The following TTN variants were observed in gnomAD, a reference collection of about 807,000 sequenced individuals.
TTN encodes the protein connectin.
Under a neutral mutation model 3,223.0 loss-of-function variants are expected in TTN, and 1,525 were observed. The ratio of observed to expected loss-of-function variants is 0.47; its 90% CI spans 0.45 to 0.49. The LOEUF is 0.49. Among genes scored for constraint, TTN ranks in the 20% least tolerant of loss-of-function variants. The pLI is 0.00. For synonymous variants in TTN, 14,094 were observed against 15,161.0 expected, an observed-to-expected ratio of 0.93 and a Z score of 5.17; for missense variants, 40,786 against 43,424.0, an observed-to-expected ratio of 0.94 and a Z score of 5.40.
In TTN at chr2:178,646,532, G is replaced by C. The variant is rs537578226; in HGVS notation, c.40250C>G (p.Pro13417Arg). Residue 13417 changes from proline (P) to arginine (R), a missense_variant, in exon 216 of 363, where the codon CCT becomes CGT. Coordinates refer to ENST00000589042, the MANE Select transcript of TTN (RefSeq NM_001267550.2). ...EEREIEKYIK[P>R]EEPEPEPQPE... ...CTGTGGTTCAGGTTCGGGCTCTTCA[G>C]GTTTAATATACTTTTCAATTTCACG... The C allele has an allele frequency of 6.5e-7, 1 of 1,547,460 alleles. No individual in the cohort carries two copies. Among genetic ancestry groups the C allele is most frequent in the Non-Finnish European group, 8.7e-7 (1 of 1,144,916 alleles).
intron 29 of TTN, 193 bp downstream of exon 29, chr2:178,774,728 C>T (rs772336249): frequency 7.8e-6 from 6 of 773,556 alleles, no homozygotes; most frequent in Admixed American, 6.1e-5. Flanking sequence ...GATAATACTA[C>T]TTTAAAAAAT....
Position 178,607,398 on chromosome 2 carries a change from T to C in TTN, c.53287+3A>G, listed in dbSNP as rs886043039. 20 of 1,613,014 alleles carry C rather than the reference T, an allele frequency of 1.2e-5. No individual in the cohort carries two copies. Among genetic ancestry groups the C allele is most frequent in the Non-Finnish European group, 1.7e-5 (20 of 1,179,342 alleles). On this transcript the variant is annotated splice_donor_region_variant and intron_variant, in intron 277 of 362. Coordinates refer to ENST00000589042, the MANE Select transcript of TTN (RefSeq NM_001267550.2). ...CTGTGAAAATCAGTGCAACATTCCT[T>C]ACCAAAAACTTCTACCCTGGCTGCT... is the stretch of plus-strand genomic sequence containing the variant.
Position 178,609,973 on chromosome 2 carries a change from T to C in TTN, c.51450A>G (p.Pro17150=). 2 of 1,611,722 alleles carry C rather than the reference T, an allele frequency of 1.2e-6. No individual in the cohort carries two copies. Among genetic ancestry groups the C allele is most frequent in the South Asian group, 2.2e-5 (2 of 90,856 alleles). Residue 17150 remains proline (P), a synonymous_variant, in exon 272 of 363, where the codon CCA becomes CCG. Coordinates refer to ENST00000589042, the MANE Select transcript of TTN (RefSeq NM_001267550.2). The part of the protein sequence containing the change: ...IAQDPKQPPD[P]PVDVEVHNPT... ...GATTATGAACCTCTACATCTACAGGTGGATCAGGGGGTTCTGAAGAACAAG... is the reference window on the plus strand; with the variant it reads ...GATTATGAACCTCTACATCTACAGGCGGATCAGGGGGTTCTGAAGAACAAG...
At chr2:178,697,317 C>G in intron 112 of TTN, 149 bp from the exon 113 acceptor site, 1 of 629,066 alleles carries the variant, frequency 1.6e-6, no homozygotes, top group South Asian at 3.5e-5. Context: ...AATAATGCTT[C>G]TATAATTTCC....
Position 178,567,070 on chromosome 2 carries a change from A to T in TTN, c.79062T>A (p.Gly26354=), listed in dbSNP as rs3731744. Residue 26354 remains glycine, a synonymous_variant, in exon 326 of 363, where the codon GGT becomes GGA. Transcript: ENST00000589042. The part of the protein sequence containing the change: ...NSLKVTKLLE[G]NEYVFRIMAV... ...CCATTATACGGAAAACATATTCATTACCTTCTAAGAGTTTGGTAACTTTCA... is the reference window on the plus strand; with the variant it reads ...CCATTATACGGAAAACATATTCATTTCCTTCTAAGAGTTTGGTAACTTTCA... 53,843 of 1,613,528 alleles carry T rather than the reference A, an allele frequency of 0.033. 1,989 individuals are homozygous for T. Among genetic ancestry groups the T allele is most frequent in the East Asian group, 0.18 (8,102 of 44,828 alleles).
In TTN at chr2:178,710,779, C is replaced by G. The variant is rs940069606; in HGVS notation, c.28318G>C (p.Gly9440Arg). ...AGATAACTAATCTGGTACTTTCCGC[C>G]ACTTCGTATTTCTCTGCTGTCTTTG... ...WAKDSREIRS[G>R]GKYQISYLEN... The change falls in exon 98 of 363, where the codon GGC becomes CGC. Residue 9440 changes from glycine to arginine, a missense_variant. Physicochemically the swap from Gly to Arg is moderately radical, Grantham distance 125. Coordinates refer to ENST00000589042, the MANE Select transcript of TTN (RefSeq NM_001267550.2). 6.2e-7 allele frequency: 1 copy of G among 1,613,916 alleles called. No homozygotes were observed. The highest frequency in any genetic ancestry group is 1.3e-5 in the African/African-American group (1 of 75,044).
At chr2:178,757,231 T>TGTACTTGCTTTACGTA (rs1252574568) in intron 45 of TTN, among the ~76,000 whole-genome samples, 1 of 148,874 alleles carries the variant, frequency 6.7e-6, no homozygotes, top group Non-Finnish European at 1.5e-5. Flanking sequence ...TAAGTAATAA[T>TGTACTTGCTTTACGTA]CAGCAAATAG....
chr2:178,728,841 T>G (rs529668474), intron 65 of TTN, 50 bp downstream of exon 65: 2 of 1,572,686 alleles, frequency 1.3e-6, no homozygotes, highest in South Asian at 2.4e-5. Flanking sequence ...TAATGTCTGC[T>G]AATGAAACTG....
At chr2:178,758,057 C>G (rs1172250558) in intron 44 of TTN, 141 bp from the exon 45 acceptor site, 6 of 904,266 alleles carry the variant, frequency 6.6e-6, no homozygotes, top group African/African-American at 1.7e-5. Flanking sequence ...TTGTATGTCA[C>G]TATTGACTCG....
intron 47 of TTN, chr2:178,748,371 A>G (rs1319263388): frequency 6.2e-7 from 1 of 1,613,238 alleles, no homozygotes; most frequent in Admixed American, 1.7e-5. Flanking sequence ...TGACTGGAAG[A>G]AATTTCTTGA....
At chr2:178,760,300 G>A (rs1010352265) in intron 43 of TTN, among the ~76,000 whole-genome samples, 5 of 152,194 alleles carry the variant, frequency 3.3e-5, no homozygotes, top group African/African-American at 1.2e-4. Flanking sequence ...GGGAGGCTGA[G>A]GCGGGCAGAT....
In TTN at chr2:178,715,022, C is replaced by T; in HGVS notation, c.26164G>A (p.Gly8722Arg). Residue 8722 changes from glycine (G) to arginine (R), a missense_variant, in exon 90 of 363, where the codon GGA becomes AGA. By Grantham distance (125) the Gly-to-Arg change is moderately radical. Coordinates refer to ENST00000589042, the MANE Select transcript of TTN (RefSeq NM_001267550.2). ...ATGGAACCAACGCAAGTGTCGCTTC[C>T]CACATCATTTGTGGCTTTACACTGA... ...EYQCKATNDV[G>R]SDTCVGSIAL... 6.2e-7 allele frequency: 1 copy of T among 1,612,914 alleles called. No homozygotes were observed.
At chr2:178,767,959 G>A in intron 39 of TTN, 35 bp from the exon 40 acceptor site, 1 of 1,613,980 alleles carries the variant, frequency 6.2e-7, no homozygotes, top group African/African-American at 1.3e-5. Flanking sequence ...TTTACCGTAT[G>A]GTGATTCAGA....
rs879058004 is a variant in TTN at position 178,566,419 on chromosome 2, T to G, written c.79713A>C (p.Leu26571Phe). The part of the protein sequence containing the change: ...IRVCALNKVG[L>F]GEATSVPGTV... ...TACCAGGAACTGATGTAGCCTCACC[T>G]AAACCAACTTTGTTGAGGGCACAGA... is the stretch of plus-strand genomic sequence containing the variant. The change falls in exon 326 of 363, where the codon TTA becomes TTC. Residue 26571 changes from leucine to phenylalanine, a missense_variant. Transcript: ENST00000589042. The G allele has an allele frequency of 1.9e-6, 3 of 1,613,404 alleles. No homozygotes were observed. The highest frequency in any genetic ancestry group is 2.5e-6 in the Non-Finnish European group (3 of 1,179,688).
At chr2:178,747,665 G>A in intron 47 of TTN, 1 of 1,613,166 alleles carries the variant, frequency 6.2e-7, no homozygotes. Context: ...ACGCTTTCCA[G>A]CAGCAAGTAA....
intron 159 of TTN, among the ~76,000 whole-genome samples, chr2:178,667,955 C>A (rs1001312705): frequency 6.6e-6 from 1 of 152,070 alleles, no homozygotes; most frequent in Non-Finnish European, 1.5e-5. Context: ...ATTGTTCAGG[C>A]AAGGACTATA....
chr2:178,573,517 C>T lies in TTN; in HGVS notation c.72615G>A (p.Val24205=), dbSNP rs754526723. Reference sequence around the variant, plus strand: ...CAGGCTCTGATTCCAGTGGCTCTCCCACTCCATATTTATTTACAGCCATGA... The same window carrying T: ...CAGGCTCTGATTCCAGTGGCTCTCCTACTCCATATTTATTTACAGCCATGA... ...FRVMAVNKYG[V]GEPLESEPVL... Residue 24205 remains valine, a synonymous_variant, in exon 326 of 363, where the codon GTG becomes GTA. Transcript: ENST00000589042. 7.3e-6 allele frequency: 11 copies of T among 1,498,626 alleles called. No homozygotes were observed. Among genetic ancestry groups the T allele is most frequent in the Non-Finnish European group, 8.9e-6 (10 of 1,126,930 alleles). 92.8% of individuals were successfully genotyped at this position (1,498,626 alleles called of 1,614,324 possible). A position where few individuals can be genotyped will look rare whatever the true frequency, so the allele number is the denominator to read the frequency against.
chr2:178,667,681 T>C lies in TTN; in HGVS notation c.35586A>G (p.Val11862=). 2 of 1,597,332 alleles carry C rather than the reference T, an allele frequency of 1.3e-6. No homozygotes were observed. Among genetic ancestry groups the C allele is most frequent in the Non-Finnish European group, 1.7e-6 (2 of 1,179,180 alleles). ...ASEEAVLEEK[V]LVTQPQKTKP... ...TTGTCTTTTGAGGTTGAGTCACAAG[T>C]ACTTTTTCTTCTAGGACTGCTTCTT... The change falls in exon 160 of 363, where the codon GTA becomes GTG. Residue 11862 remains valine, a synonymous_variant. Coordinates refer to ENST00000589042, the MANE Select transcript of TTN (RefSeq NM_001267550.2).
rs2091883913 is a variant in TTN at position 178,773,902 on chromosome 2, A to T, written c.7266T>A (p.Ala2422=). ...LLIEDMTKED[A]GNYSFTIPAL... ...CTGGAATGGTGAAAGAGTAATTTCC[A>T]GCATCTTCCTTAGTCATGTCTTCAA... is the stretch of plus-strand genomic sequence containing the variant. The change falls in exon 31 of 363, where the codon GCT becomes GCA. Residue 2422 remains alanine (A), a synonymous_variant. Transcript: ENST00000589042. The T allele has an allele frequency of 6.2e-7, 1 of 1,614,108 alleles. No individual in the cohort carries two copies. Among genetic ancestry groups the T allele is most frequent in the Non-Finnish European group, 8.5e-7 (1 of 1,179,990 alleles).
Sources: gnomAD v4.1 joint callset for allele counts (sites outside exome capture counted in the v4.1 genomes callset) on GRCh38, gnomAD v4.1.1 for gene constraint, MANE v1.5 for transcripts, NCBI Gene and HGNC (gene_info 2026-07-23, HGNC 2026-07-21) for gene names.